The following MAGI1 variants were observed in gnomAD, a reference collection of about 807,000 sequenced individuals.
MAGI1 encodes the protein membrane associated guanylate kinase, WW and PDZ domain containing 1.
In MAGI1, 58 loss-of-function variants were observed where a neutral mutation model predicts 139.9. The ratio of observed to expected loss-of-function variants is 0.41; its 90% confidence interval spans 0.34 to 0.52. The LOEUF is 0.52. Among genes scored for constraint, MAGI1 ranks in the 20% least tolerant of loss-of-function variants. MAGI1 has a pLI of 0.12. For missense variants in MAGI1, 1,874 were observed against 1,901.6 expected (o/e 0.99, Z 0.27); for synonymous variants, 812 against 737.9 (o/e 1.10, Z -1.63).
chr3:65,876,766 CAG>C (rs2060132984), intron 1 of MAGI1, among the ~76,000 whole-genome samples: 1 of 137,034 alleles, frequency 7.3e-6, no homozygotes, highest in Non-Finnish European at 1.5e-5. Flanking sequence ...TTTTTTGAGA[CAG>C]AGTCTTGCTC....
At chr3:65,703,777 G>T (rs533734296) in intron 1 of MAGI1, among the ~76,000 whole-genome samples, 2 of 152,268 alleles carry the variant, frequency 1.3e-5, no homozygotes, top group East Asian at 1.9e-4. Flanking sequence ...GAGTGCCATT[G>T]TACCAACTTG....
intron 2 of MAGI1, among the ~76,000 whole-genome samples, chr3:65,534,568 G>A (rs958220670): frequency 6.6e-6 from 1 of 152,074 alleles, no homozygotes; most frequent in African/African-American, 2.4e-5. Flanking sequence ...ATGTTACTTG[G>A]GCAAGTGTCT....
intron 1 of MAGI1, among the ~76,000 whole-genome samples, chr3:65,791,001 G>A (rs2039726667): frequency 6.6e-6 from 1 of 152,140 alleles, no homozygotes; most frequent in South Asian, 2.1e-4. Context: ...CTTGAGCCCA[G>A]GAAGCGGAGG....
At chr3:65,457,105 T>C (rs983367649) in intron 5 of MAGI1, among the ~76,000 whole-genome samples, 1 of 152,178 alleles carries the variant, frequency 6.6e-6, no homozygotes, top group Non-Finnish European at 1.5e-5. Context: ...TTGACAGAAA[T>C]TACATTAAAC....
Position 65,618,868 on chromosome 3 carries a change from C to T in MAGI1, c.430+3104G>A, listed in dbSNP as rs554966809. ...TGTGACTTGTGCCAGGCCACACAGCCAGCAGAGTAGCCCTCAGACTTCACA... is the reference window on the plus strand; with the variant it reads ...TGTGACTTGTGCCAGGCCACACAGCTAGCAGAGTAGCCCTCAGACTTCACA... On this transcript the variant is annotated intron_variant, in intron 2 of 22. Coordinates refer to ENST00000402939, the MANE Select transcript of MAGI1 (RefSeq NM_001033057.2). Among the ~76,000 whole-genome samples, 22 of 152,282 alleles carry T rather than the reference C, an allele frequency of 1.4e-4. No individual in the cohort carries two copies. In the East Asian group the frequency reaches 3.9e-3, roughly 27 times the overall value.
At chr3:65,873,663 C>G (rs949024194) in intron 1 of MAGI1, 1 of 152,158 alleles carries the variant, frequency 6.6e-6, no homozygotes, top group African/African-American at 2.4e-5. Flanking sequence ...TGGACAGTAA[C>G]AGTGTGTCAA....
chr3:65,516,034 G>C (rs2077857695), intron 2 of MAGI1, among the ~76,000 whole-genome samples: 2 of 152,212 alleles, frequency 1.3e-5, no homozygotes, highest in South Asian at 4.2e-4. Flanking sequence ...TCAAGCTCTG[G>C]GTCCTTTAAA....
chr3:65,790,528 C>T (rs2039687402), intron 1 of MAGI1, among the ~76,000 whole-genome samples: 2 of 152,142 alleles, frequency 1.3e-5, no homozygotes, highest in African/African-American at 4.8e-5. Context: ...AGGGTTAATG[C>T]TCTTGAATGG....
At chr3:65,527,712 G>A (rs537562452) in intron 2 of MAGI1, among the ~76,000 whole-genome samples, 38 of 150,622 alleles carry the variant, frequency 2.5e-4, no homozygotes, top group Non-Finnish European at 4.4e-4. Context: ...GCAACAGAGC[G>A]AGACTCTGTC....
At chr3:65,405,558 T>C (rs1048709018) in intron 12 of MAGI1, among the ~76,000 whole-genome samples, 20 of 152,040 alleles carry the variant, frequency 1.3e-4, no homozygotes, top group Non-Finnish European at 2.9e-5. Flanking sequence ...AATACACACA[T>C]ACATATCCAC....
At position 65,621,917 on chromosome 3, in the gene MAGI1, T is replaced by TCACACA. The variant is rs56026417; in HGVS notation, c.430+49_430+54dup. On this transcript the variant is annotated intron_variant, in intron 2 of 22. Coordinates refer to ENST00000402939, the MANE Select transcript of MAGI1 (RefSeq NM_001033057.2). ...AGATCTCCTTTCTCCCCTGGACTTT[T>TCACACA]CACACACACACACACACACACACAG... 1,998 of 985,350 alleles carry TCACACA rather than the reference T, an allele frequency of 2.0e-3. 10 individuals are homozygous for TCACACA. The highest frequency in any genetic ancestry group is 0.016 in the African/African-American group (991 of 61,202). The allele number at this position is 985,350 out of a possible 1,614,324, so 61.0% of individuals were successfully genotyped here. A position where few individuals can be genotyped will look rare whatever the true frequency, so the allele number is the denominator to read the frequency against.
At chr3:65,386,593 G>T (rs1395460339) in intron 14 of MAGI1, among the ~76,000 whole-genome samples, 1 of 152,214 alleles carries the variant, frequency 6.6e-6, no homozygotes, top group East Asian at 1.9e-4. Flanking sequence ...AGGCATTGAA[G>T]TTTCTAAACT....
chr3:65,356,969 C>T lies in MAGI1; in HGVS notation c.3798G>A (p.Pro1266=), dbSNP rs1329036742. ...GTCTGCTATACTCTCTGCTGCCTTTCGGATCCCTTGCGTGTGCCCGCTTTT... is the reference window on the plus strand; with the variant it reads ...GTCTGCTATACTCTCTGCTGCCTTTTGGATCCCTTGCGTGTGCCCGCTTTT... The part of the protein sequence containing the change: ...HGEKRAHARD[P]KGSREYSRQP... Residue 1266 remains proline (P), a synonymous_variant, in exon 23 of 23, where the codon CCG becomes CCA. Coordinates refer to ENST00000402939, the MANE Select transcript of MAGI1 (RefSeq NM_001033057.2). 2 of 1,614,184 alleles carry T rather than the reference C, an allele frequency of 1.2e-6. No individual in the cohort carries two copies. Among genetic ancestry groups the T allele is most frequent in the Non-Finnish European group, 1.7e-6 (2 of 1,180,026 alleles).
intron 1 of MAGI1, among the ~76,000 whole-genome samples, chr3:65,737,262 C>G (rs896798322): frequency 3.3e-5 from 5 of 152,222 alleles, no homozygotes; most frequent in African/African-American, 1.2e-4. Flanking sequence ...GCCTCAGCCT[C>G]CCAAAGTGCT....
chr3:65,653,320 C>T (rs2085690779), intron 1 of MAGI1, among the ~76,000 whole-genome samples: 2 of 152,162 alleles, frequency 1.3e-5, no homozygotes, highest in African/African-American at 4.8e-5. Flanking sequence ...TAATCAGTCG[C>T]TTACCTTCCA....
At chr3:66,024,677 A>AGG (rs2068148508) in intron 1 of MAGI1, among the ~76,000 whole-genome samples, 1 of 152,128 alleles carries the variant, frequency 6.6e-6, no homozygotes, top group African/African-American at 2.4e-5. Context: ...GTGGTGGTGC[A>AGG]TGCCTGTAAT....
rs1335295337 is a variant in MAGI1, at chr3:65,356,503, C to A, written c.4264G>T (p.Asp1422Tyr). 6.2e-7 allele frequency: 1 copy of A among 1,609,516 alleles called. No individual in the cohort carries two copies. The highest frequency in any genetic ancestry group is 8.5e-7 in the Non-Finnish European group (1 of 1,179,266). The change falls in exon 23 of 23, where the codon GAC becomes TAC. Residue 1422 changes from aspartate to tyrosine, a missense_variant. By Grantham distance (160) the Asp-to-Tyr change is radical (BLOSUM62 -3). Transcript: ENST00000402939. ...TCCCTTTCTCGGTGGCTGGCTCTGT[C>A]CTCTCTGTTCCTTTTGTCCAGGGAC... ...ERSLDKRNRE[D>Y]RASHREREEA...
chr3:65,968,314 G>A (rs2064857310), intron 1 of MAGI1, among the ~76,000 whole-genome samples: 3 of 152,170 alleles, frequency 2.0e-5, no homozygotes, highest in Non-Finnish European at 4.4e-5. Context: ...AAAATACAAC[G>A]ATATATTACT....
chr3:65,499,771 TTA>T (rs1213603430), intron 2 of MAGI1, among the ~76,000 whole-genome samples: 1 of 152,198 alleles, frequency 6.6e-6, no homozygotes. Context: ...TTTTACAAGT[TTA>T]TGAGTTTTAT....
Sources: gnomAD v4.1 joint callset for allele counts (sites outside exome capture counted in the v4.1 genomes callset) on GRCh38, gnomAD v4.1.1 for gene constraint, MANE v1.5 for transcripts, NCBI Gene and HGNC (gene_info 2026-07-23, HGNC 2026-07-21) for gene names.